Variants in ADAMTS6 observed in about 807,000 individuals in gnomAD.
ADAMTS6 encodes the protein ADAM metallopeptidase with thrombospondin type 1 motif 6, also known as A disintegrin and metalloproteinase with thrombospondin motifs 6.
Under a neutral mutation model 144.3 loss-of-function variants are expected in ADAMTS6, and 23 were observed. The ratio of observed to expected loss-of-function variants is 0.16; its 90% CI spans 0.11 to 0.23. The LOEUF is 0.23. Ranked by LOEUF, ADAMTS6 falls within the 10% of genes least tolerant of loss-of-function variation. The pLI, the probability that ADAMTS6 is intolerant of heterozygous loss-of-function variation, is 1.00. For synonymous variants in ADAMTS6, 444 were observed against 457.5 expected (o/e 0.97, Z 0.38); for missense variants, 999 against 1,379.6 (o/e 0.72, Z 4.37).
chr5:65,189,076 C>A (rs1394717501), intron 21 of ADAMTS6, among the ~76,000 whole-genome samples: 2 of 152,268 alleles, frequency 1.3e-5, no homozygotes, highest in East Asian at 1.9e-4. Context: ...TTGTTTCAAC[C>A]TTTTGGCTCC....
intron 14 of ADAMTS6, among the ~76,000 whole-genome samples, chr5:65,252,830 C>T (rs911845501): frequency 6.6e-6 from 1 of 152,026 alleles, no homozygotes; most frequent in Non-Finnish European, 1.5e-5. Flanking sequence ...CGGGTAAAAT[C>T]TATTAAACAC....
chr5:65,324,039 T>G (rs1029285683), intron 9 of ADAMTS6, among the ~76,000 whole-genome samples: 33 of 152,180 alleles, frequency 2.2e-4, no homozygotes, highest in Non-Finnish European at 4.6e-4. Context: ...GATGAGTAGG[T>G]TGCAAAAATT....
chr5:65,207,372 T>C (rs1247081161), intron 20 of ADAMTS6, among the ~76,000 whole-genome samples: 1 of 152,096 alleles, frequency 6.6e-6, no homozygotes, highest in Non-Finnish European at 1.5e-5. Flanking sequence ...TTATAATAAA[T>C]ATAAAATATC....
chr5:65,245,301 G>A (rs1017434458), intron 14 of ADAMTS6, among the ~76,000 whole-genome samples: 1 of 152,090 alleles, frequency 6.6e-6, no homozygotes. Flanking sequence ...GCACTAGTTG[G>A]AGAAGCCAGG....
At chr5:65,465,362 C>T (rs1250300430) in intron 3 of ADAMTS6, among the ~76,000 whole-genome samples, 1 of 152,138 alleles carries the variant, frequency 6.6e-6, no homozygotes, top group African/African-American at 2.4e-5. Flanking sequence ...ACTATCTATT[C>T]CCCTAGCTAA....
In ADAMTS6 at chr5:65,197,097, T is replaced by C. The variant is rs757896655; in HGVS notation, c.2630A>G (p.Gln877Arg). 48 of 1,614,000 alleles carry C rather than the reference T, an allele frequency of 3.0e-5. 1 individual carries two copies. The South Asian group carries it at 4.3e-4, about 14-fold the overall frequency. ...CKRLDDNSIV[Q>R]NNYCDPDSKP... Reference sequence around the variant, plus strand: ...ACTGTCAGGATCACAGTAATTGTTCTGGACAATGGAGTTGTCATCCAACCT... The same window carrying C: ...ACTGTCAGGATCACAGTAATTGTTCCGGACAATGGAGTTGTCATCCAACCT... The change falls in exon 21 of 25, where the codon CAG (glutamine) becomes CGG (arginine). Residue 877 changes from glutamine to arginine, a missense_variant. Coordinates refer to ENST00000381055, the MANE Select transcript of ADAMTS6 (RefSeq NM_197941.4).
rs529528721 is a variant in ADAMTS6 at position 65,260,615 on chromosome 5, G to C, written c.1815C>G (p.Arg605=). The C allele has an allele frequency of 1.9e-6, 3 of 1,613,452 alleles. No individual in the cohort carries two copies. The South Asian group carries it at 3.3e-5, about 18-fold the overall frequency. Residue 605 remains arginine (R), a synonymous_variant, in exon 14 of 25, where the codon CGC becomes CGG. Coordinates refer to ENST00000381055, the MANE Select transcript of ADAMTS6 (RefSeq NM_197941.4). ...TTTTACTTACATCTGTGTTACAGGA[G>C]CGATACCGTTTCCTTTCCCCAAGGC... ...KYCLGERKRY[R]SCNTDPCPLG... is the part of the protein sequence containing the mutation.
intron 7 of ADAMTS6, among the ~76,000 whole-genome samples, chr5:65,345,136 T>G (rs948180645): frequency 1.3e-5 from 2 of 151,828 alleles, no homozygotes; most frequent in Non-Finnish European, 3.0e-5. Context: ...TTTATAATGT[T>G]TATAGAGTTA....
At chr5:65,259,359 C>T (rs1433351197) in intron 14 of ADAMTS6, among the ~76,000 whole-genome samples, 1 of 150,550 alleles carries the variant, frequency 6.6e-6, no homozygotes, top group African/African-American at 2.5e-5. Flanking sequence ...GCCTGGCCAA[C>T]AGAACAAGGC....
intron 7 of ADAMTS6, among the ~76,000 whole-genome samples, chr5:65,450,404 A>C (rs1033911109): frequency 2.0e-5 from 3 of 152,248 alleles, no homozygotes; most frequent in East Asian, 1.9e-4. Context: ...CAAGATTCTA[A>C]CTCATATACT....
At chr5:65,306,182 T>A (rs1743926098) in intron 9 of ADAMTS6, among the ~76,000 whole-genome samples, 1 of 152,212 alleles carries the variant, frequency 6.6e-6, no homozygotes, top group Non-Finnish European at 1.5e-5. Flanking sequence ...TGTAATAACA[T>A]CTTTTGCCTC....
rs940649565 is a variant in ADAMTS6, at chr5:65,387,310, T to C, written c.1074-53225A>G. Among the ~76,000 whole-genome samples the C allele has an allele frequency of 9.3e-4, 141 of 152,336 alleles. 2 individuals are homozygous for C. The highest frequency in any genetic ancestry group is 1.2e-3 in the South Asian group (6 of 4,828). On this transcript the variant is annotated intron_variant, in intron 7 of 24. Transcript: ENST00000381055. ...CATATTCAAAATAGGAAATATAATG[T>C]ACTTCATAGATTAATTATTCCTTTA...
At position 65,191,896 on chromosome 5, in the gene ADAMTS6, CATTTG is replaced by C. The variant is rs371851366; in HGVS notation, c.2706-3681_2706-3677del. 2.8e-3 allele frequency among the ~76,000 whole-genome samples: 428 copies of C among 152,176 alleles called. 2 individuals carry two copies. The highest frequency in any genetic ancestry group is 9.7e-3 in the African/African-American group (404 of 41,548). On this transcript the variant is annotated intron_variant, in intron 21 of 24. Coordinates refer to ENST00000381055, the MANE Select transcript of ADAMTS6 (RefSeq NM_197941.4). The stretch of plus-strand genomic sequence containing the variant: ...TTAGATGTATCAAAGTGCCACCAGA[CATTTG>C]ATTTGTACCTTACCAAGCTGGTGAT...
chr5:65,232,889 T>C (rs1313750058), intron 15 of ADAMTS6, among the ~76,000 whole-genome samples: 3 of 151,972 alleles, frequency 2.0e-5, no homozygotes, highest in African/African-American at 7.2e-5. Context: ...ACAAAGATAC[T>C]AACAGAAAAG....
At chr5:65,216,782 TACACACACACACAC>T (rs10584577) in intron 18 of ADAMTS6, among the ~76,000 whole-genome samples, 1 of 148,524 alleles carries the variant, frequency 6.7e-6, no homozygotes, top group Non-Finnish European at 1.5e-5. Flanking sequence ...TTACAAGAAA[TACACACACACACAC>T]ACACACACAC....
At chr5:65,333,496 G>A (rs1489201193) in intron 8 of ADAMTS6, among the ~76,000 whole-genome samples, 1 of 151,758 alleles carries the variant, frequency 6.6e-6, no homozygotes, top group Non-Finnish European at 1.5e-5. Context: ...GTTGTTGTTT[G>A]GGTAGTATAA....
chr5:65,371,729 T>C (rs1193483658), intron 7 of ADAMTS6, among the ~76,000 whole-genome samples: 1 of 152,004 alleles, frequency 6.6e-6, no homozygotes, highest in African/African-American at 2.4e-5. Context: ...TTCCCCAATC[T>C]AGCAAGGCAG....
intron 7 of ADAMTS6, among the ~76,000 whole-genome samples, chr5:65,369,443 C>T (rs948392177): frequency 6.6e-6 from 1 of 151,636 alleles, no homozygotes; most frequent in Non-Finnish European, 1.5e-5. Context: ...AGTACGGAAA[C>T]ATCAGAAAGA....
chr5:65,210,550 T>C (rs1043405754), intron 20 of ADAMTS6: 2 of 516,784 alleles, frequency 3.9e-6, no homozygotes, highest in Non-Finnish European at 7.0e-6. Context: ...TGTCTTTATC[T>C]GCTATCTGGA....
Sources: gnomAD v4.1 joint callset for allele counts (sites outside exome capture counted in the v4.1 genomes callset) on GRCh38, gnomAD v4.1.1 for gene constraint, MANE v1.5 for transcripts, NCBI Gene and HGNC (gene_info 2026-07-23, HGNC 2026-07-21) for gene names.